Variants in GSDME observed in about 807,000 individuals in gnomAD.
GSDME encodes the protein gasdermin-E.
Under a neutral mutation model 47.5 loss-of-function variants are expected in GSDME, and 44 were observed. That is an observed-to-expected ratio of 0.93 (90% confidence interval 0.73 to 1.19). GSDME has a LOEUF of 1.19. GSDME is among the 50% of genes most tolerant of loss of function. GSDME has a pLI of 0.00. For missense variants in GSDME, 663 were observed against 604.2 expected (o/e 1.10, Z -1.02); for synonymous variants, 258 against 252.8 (o/e 1.02, Z -0.20).
the GSDME span, among the ~76,000 whole-genome samples, chr7:24,766,535 T>G: frequency 6.6e-6 from 1 of 152,174 alleles, no homozygotes; most frequent in Non-Finnish European, 1.5e-5. The surrounding 1 kb of genome is among the most constrained non-coding windows in gnomAD (Gnocchi z 4.2). Context: ...CTCCCACTTA[T>G]GAGTGAGAAC....
the GSDME span, among the ~76,000 whole-genome samples, chr7:24,785,411 G>A: frequency 6.6e-6 from 1 of 152,130 alleles, no homozygotes; most frequent in Non-Finnish European, 1.5e-5. Flanking sequence ...CTCTTTTAAT[G>A]TAAAAGGGTT....
At chr7:24,729,573 A>G (rs1189703929) in intron 3 of GSDME, among the ~76,000 whole-genome samples, 3 of 152,216 alleles carry the variant, frequency 2.0e-5, no homozygotes, top group Admixed American at 6.5e-5. Context: ...AATACTGAGG[A>G]ATTGGCTGGG....
chr7:24,749,943 T>G, intron 1 of GSDME, 150 bp from the exon 2 acceptor site: 1 of 625,434 alleles, frequency 1.6e-6, no homozygotes, highest in Non-Finnish European at 2.8e-6. Context: ...CTTTAGCTGA[T>G]AATAAAGAAC....
chr7:24,790,062 A>G, the GSDME span, among the ~76,000 whole-genome samples: 37 of 152,352 alleles, frequency 2.4e-4, no homozygotes, highest in African/African-American at 8.7e-4. The surrounding 1 kb of genome is among the most constrained non-coding windows in gnomAD (Gnocchi z 4.1). Context: ...CACATGTGCC[A>G]GTTTTGTCAT....
At chr7:24,773,118 T>G in the GSDME span, among the ~76,000 whole-genome samples, 1 of 152,240 alleles carries the variant, frequency 6.6e-6, no homozygotes, top group Non-Finnish European at 1.5e-5. This position sits in a 1 kb window ranked among gnomAD's most constrained non-coding sequence, Gnocchi z 5.4. Flanking sequence ...CCTCCATCCC[T>G]GAAAAGTCTG....
intron 3 of GSDME, among the ~76,000 whole-genome samples, chr7:24,731,122 G>A (rs557173010): frequency 6.6e-6 from 1 of 152,224 alleles, no homozygotes; most frequent in South Asian, 2.1e-4. Flanking sequence ...AGTGGATTTC[G>A]TGGGGCCTTG....
chr7:24,748,056 T>G (rs1298114088), intron 2 of GSDME, among the ~76,000 whole-genome samples: 1 of 151,840 alleles, frequency 6.6e-6, no homozygotes, highest in East Asian at 1.9e-4. Flanking sequence ...TGTTGAAAAT[T>G]GTATTTAAAA....
intron 3 of GSDME, among the ~76,000 whole-genome samples, chr7:24,731,686 C>T (rs966563077): frequency 6.6e-6 from 1 of 152,210 alleles, no homozygotes; most frequent in Non-Finnish European, 1.5e-5. Context: ...ACATGCCAAG[C>T]ACTACTATAC....
intron 3 of GSDME, among the ~76,000 whole-genome samples, chr7:24,729,185 C>T (rs1287767675): frequency 6.6e-6 from 1 of 152,240 alleles, no homozygotes; most frequent in East Asian, 1.9e-4. Flanking sequence ...AAACCAAACG[C>T]AGCTGATGCC....
Position 24,725,733 on chromosome 7 carries a change from CA to C in GSDME, c.405-6516del, listed in dbSNP as rs1399295102. Among the ~76,000 whole-genome samples the C allele has an allele frequency of 6.6e-6, 1 of 152,108 alleles. No homozygotes were observed. The highest frequency in any genetic ancestry group is 1.5e-5 in the Non-Finnish European group (1 of 68,026). On this transcript the variant is annotated intron_variant, in intron 3 of 9. Transcript: ENST00000645220. The surrounding 1 kb of genome is among the most constrained non-coding windows in gnomAD (Gnocchi z 5.1). Reference sequence around the variant, plus strand: ...GTATAGATAACATAACTGATTAGGTCAGGGGTCAATCTTTAACGACCAGGCC... The same window carrying C: ...GTATAGATAACATAACTGATTAGGTCGGGGTCAATCTTTAACGACCAGGCC...
In GSDME at chr7:24,757,361, G is replaced by C. The variant is rs1190050928; in HGVS notation, c.-20+35C>G. 1 of 152,344 alleles carries C rather than the reference G, an allele frequency of 6.6e-6. No homozygotes were observed. The highest frequency in any genetic ancestry group is 2.4e-5 in the African/African-American group (1 of 41,454). The allele number at this position is 152,344 out of a possible 1,614,324, so 9.4% of individuals were successfully genotyped here. A position where few individuals can be genotyped will look rare whatever the true frequency, so the allele number is the denominator to read the frequency against. The stretch of plus-strand genomic sequence containing the variant: ...AAGAGGATCCGGAGTGGAGCCCGGA[G>C]CGGATCCCGCAGCCCGCGCCCGCCG... On this transcript the variant is annotated intron_variant, in intron 1 of 9. Transcript: ENST00000645220. This position sits in a 1 kb window ranked among gnomAD's most constrained non-coding sequence, Gnocchi z 5.9.
At chr7:24,780,985 C>T in the GSDME span, among the ~76,000 whole-genome samples, 1 of 152,224 alleles carries the variant, frequency 6.6e-6, no homozygotes, top group African/African-American at 2.4e-5. This position sits in a 1 kb window ranked among gnomAD's most constrained non-coding sequence, Gnocchi z 4.1. Flanking sequence ...GGGACTCAGG[C>T]CCCATTTTGG....
the GSDME span, among the ~76,000 whole-genome samples, chr7:24,765,540 T>C: frequency 2.0e-5 from 3 of 152,338 alleles, no homozygotes; most frequent in East Asian, 1.9e-4. Context: ...TGTGCAGCTG[T>C]GCCCAAACCA....
chr7:24,783,029 G>T, the GSDME span, among the ~76,000 whole-genome samples: 1 of 152,248 alleles, frequency 6.6e-6, no homozygotes, highest in Non-Finnish European at 1.5e-5. Flanking sequence ...TAGCTTAAAA[G>T]AAGACAGTGG....
intron 7 of GSDME, chr7:24,707,149 C>A (rs1287153168): frequency 2.7e-6 from 1 of 367,026 alleles, no homozygotes; most frequent in Non-Finnish European, 5.4e-6. Context: ...TACCCAGGCT[C>A]TTTCGGCACA....
At chr7:24,709,176 C>G (rs1201164872) in intron 6 of GSDME, among the ~76,000 whole-genome samples, 1 of 152,190 alleles carries the variant, frequency 6.6e-6, no homozygotes, top group African/African-American at 2.4e-5. Context: ...GAGAAGCTGT[C>G]CTGGTCGGTC....
the GSDME span, among the ~76,000 whole-genome samples, chr7:24,770,864 GA>G: frequency 1.2e-3 from 165 of 134,336 alleles, 7 homozygotes; most frequent in South Asian, 0.038. The surrounding 1 kb of genome is among the most constrained non-coding windows in gnomAD (Gnocchi z 4.6). Context: ...AAAGCAAAAA[GA>G]AAAAAGGCTG....
chr7:24,715,006 C>T (rs191567264), intron 5 of GSDME, among the ~76,000 whole-genome samples: 4 of 152,338 alleles, frequency 2.6e-5, no homozygotes, highest in Non-Finnish European at 4.4e-5. Context: ...GATGTATTTA[C>T]ACAATGGAAT....
rs116776237 is a variant in GSDME, at chr7:24,724,528, G to A, written c.405-5310C>T. On this transcript the variant is annotated intron_variant, in intron 3 of 9. Coordinates refer to ENST00000645220, the MANE Select transcript of GSDME (RefSeq NM_001127453.2). This position sits in a 1 kb window ranked among gnomAD's most constrained non-coding sequence, Gnocchi z 4.8. ...AACAGGAGGCCACTGAGGCAGAGGCGTATATCCTCAACAGAAAGGGCCAGC... is the reference window on the plus strand; with the variant it reads ...AACAGGAGGCCACTGAGGCAGAGGCATATATCCTCAACAGAAAGGGCCAGC... Among the ~76,000 whole-genome samples the A allele has an allele frequency of 4.1e-3, 626 of 152,310 alleles. 5 individuals carry two copies. The highest frequency in any genetic ancestry group is 0.014 in the African/African-American group (573 of 41,564).
Sources: allele counts gnomAD v4.1 joint callset (sites outside exome capture counted in the v4.1 genomes callset), GRCh38; gene constraint gnomAD v4.1.1; non-coding constraint Gnocchi (gnomAD v3.1); transcripts MANE v1.5; gene names NCBI Gene and HGNC (gene_info 2026-07-23, HGNC 2026-07-21).